The following TJP1 variants were observed in gnomAD, a reference collection of about 807,000 sequenced individuals.
The protein encoded by TJP1 is tight junction protein ZO-1.
In TJP1, 43 loss-of-function variants were observed where a neutral mutation model predicts 194.2. That is an observed-to-expected ratio of 0.22 (90% CI 0.17 to 0.29). TJP1 has a LOEUF of 0.29. Among genes scored for constraint, TJP1 ranks in the 10% least tolerant of loss-of-function variants. The pLI, the probability that TJP1 is intolerant of heterozygous loss-of-function variation, is 1.00. For synonymous variants in TJP1, 801 were observed against 779.0 expected, an observed-to-expected ratio of 1.03 and a Z score of -0.47; for missense variants, 1,971 against 2,185.7, an observed-to-expected ratio of 0.90 and a Z score of 1.96.
At chr15:29,783,068 G>C (rs2047471259) in intron 2 of TJP1, among the ~76,000 whole-genome samples, 2 of 152,130 alleles carry the variant, frequency 1.3e-5, no homozygotes, top group South Asian at 4.1e-4. Flanking sequence ...GAGGTCAGAA[G>C]TTCGAGGCCA....
intron 2 of TJP1, among the ~76,000 whole-genome samples, chr15:29,778,871 G>A (rs1013701813): frequency 6.6e-6 from 1 of 152,028 alleles, no homozygotes; most frequent in Non-Finnish European, 1.5e-5. Context: ...CATGTGCTGG[G>A]GCACATGTAC....
chr15:29,720,797 C>A, intron 18 of TJP1, 89 bp from the exon 19 acceptor site: 1 of 1,074,680 alleles, frequency 9.3e-7, no homozygotes, highest in Non-Finnish European at 1.3e-6. Flanking sequence ...AAAAGGATAT[C>A]TTTCTCTGGA....
intron 1 of TJP1, among the ~76,000 whole-genome samples, chr15:29,803,758 G>C (rs1331753116): frequency 6.6e-6 from 1 of 152,074 alleles, no homozygotes; most frequent in African/African-American, 2.4e-5. Flanking sequence ...CTTTGTACAA[G>C]GGAGAAGACT....
At chr15:29,885,613 C>T (rs2053089682) in intron 2 of TJP1, among the ~76,000 whole-genome samples, 1 of 152,244 alleles carries the variant, frequency 6.6e-6, no homozygotes, top group Non-Finnish European at 1.5e-5. Context: ...CTTTTCTTTG[C>T]TTCCTTGGAT....
At chr15:29,783,447 A>G (rs2047500548) in intron 2 of TJP1, among the ~76,000 whole-genome samples, 1 of 152,182 alleles carries the variant, frequency 6.6e-6, no homozygotes, top group East Asian at 1.9e-4. Flanking sequence ...GAAAACTACC[A>G]TTCGAGCCAG....
chr15:29,866,031 T>A (rs1170378100), intron 2 of TJP1, among the ~76,000 whole-genome samples: 1 of 152,330 alleles, frequency 6.6e-6, no homozygotes, highest in South Asian at 2.1e-4. Context: ...CATACTTTCA[T>A]CTTGGGCACT....
chr15:29,953,828 T>A (rs935753196), intron 2 of TJP1, among the ~76,000 whole-genome samples: 2 of 152,210 alleles, frequency 1.3e-5, no homozygotes, highest in Admixed American at 1.3e-4. Context: ...TGCTGAGGAA[T>A]GAAATGTCAG....
Position 29,772,167 on chromosome 15 carries a change from C to A in TJP1, c.210-1G>T. The A allele has an allele frequency of 6.3e-7, 1 of 1,588,230 alleles. No individual in the cohort carries two copies. The highest frequency in any genetic ancestry group is 8.6e-7 in the Non-Finnish European group (1 of 1,167,040). Reference sequence around the variant, plus strand: ...AACCATTGCAACTCGGTCATTTTCCCTAAGGGGAAAAGGGCACAAAATAAT... The same window carrying A: ...AACCATTGCAACTCGGTCATTTTCCATAAGGGGAAAAGGGCACAAAATAAT... On this transcript the variant is annotated splice_acceptor_variant, in intron 3 of 27. Coordinates refer to ENST00000614355, the MANE Select transcript of TJP1 (RefSeq NM_001330239.4). LOFTEE classifies it high-confidence loss of function.
intron 2 of TJP1, among the ~76,000 whole-genome samples, chr15:29,859,664 T>C (rs1299855084): frequency 6.6e-6 from 1 of 152,224 alleles, no homozygotes; most frequent in East Asian, 1.9e-4. Context: ...AGGAAGTAAA[T>C]AGGGGTCCAG....
intron 2 of TJP1, among the ~76,000 whole-genome samples, chr15:29,933,691 G>A (rs1203437972): frequency 6.6e-6 from 1 of 152,128 alleles, no homozygotes; most frequent in African/African-American, 2.4e-5. Context: ...TTTTTTTCAA[G>A]ATATTAGAGA....
chr15:29,918,775 T>C (rs2054266881), intron 2 of TJP1, among the ~76,000 whole-genome samples: 1 of 151,098 alleles, frequency 6.6e-6, no homozygotes, highest in African/African-American at 2.4e-5. Flanking sequence ...GTTAGATGGG[T>C]TGGAAAATAA....
At chr15:29,754,716 C>T (rs2045531173) in intron 8 of TJP1, among the ~76,000 whole-genome samples, 1 of 152,168 alleles carries the variant, frequency 6.6e-6, no homozygotes, top group Non-Finnish European at 1.5e-5. Context: ...ATATGTGCAT[C>T]ATACTGGTTA....
At chr15:29,787,131 T>C (rs1375741516) in intron 2 of TJP1, among the ~76,000 whole-genome samples, 2 of 152,198 alleles carry the variant, frequency 1.3e-5, no homozygotes, top group Non-Finnish European at 2.9e-5. Context: ...TACTGATATA[T>C]AATTCATATA....
intron 2 of TJP1, among the ~76,000 whole-genome samples, chr15:29,793,249 G>A (rs1213786146): frequency 6.6e-6 from 1 of 152,158 alleles, no homozygotes; most frequent in East Asian, 1.9e-4. Flanking sequence ...TTATCTGTCT[G>A]TGGCTTTTAT....
chr15:29,917,766 C>G (rs2054232834), intron 2 of TJP1, among the ~76,000 whole-genome samples: 1 of 152,218 alleles, frequency 6.6e-6, no homozygotes, highest in South Asian at 2.1e-4. Flanking sequence ...AGGAAAAGAG[C>G]TGGCTTGCTC....
chr15:29,798,431 A>G (rs1264829368), intron 2 of TJP1, among the ~76,000 whole-genome samples: 1 of 152,130 alleles, frequency 6.6e-6, no homozygotes, highest in Non-Finnish European at 1.5e-5. Flanking sequence ...TGAAAATCCA[A>G]AATTCAGAAT....
At chr15:29,776,419 A>G (rs1288419438) in intron 2 of TJP1, among the ~76,000 whole-genome samples, 1 of 152,230 alleles carries the variant, frequency 6.6e-6, no homozygotes, top group Non-Finnish European at 1.5e-5. Context: ...AAGAAAATCC[A>G]GCTTTTCATA....
intron 8 of TJP1, among the ~76,000 whole-genome samples, chr15:29,753,517 C>CAGG: frequency 6.8e-6 from 1 of 146,750 alleles, no homozygotes; most frequent in East Asian, 2.0e-4. Flanking sequence ...AAAGATTGCT[C>CAGG]AGGATATTTA....
In TJP1 at chr15:29,722,462, G is replaced by A. The variant is rs530855087; in HGVS notation, c.2413-1754C>T. Among the ~76,000 whole-genome samples the A allele has an allele frequency of 2.6e-5, 4 of 152,344 alleles. No homozygotes were observed. In the East Asian group the frequency reaches 5.8e-4, roughly 22 times the overall value. Reference sequence around the variant, plus strand: ...TCCACATGATGCTAAGTCTGCGGGTGCACAGAGGGAGACAGTTGAGGCTTG... The same window carrying A: ...TCCACATGATGCTAAGTCTGCGGGTACACAGAGGGAGACAGTTGAGGCTTG... On this transcript the variant is annotated intron_variant, in intron 18 of 27. Coordinates refer to ENST00000614355, the MANE Select transcript of TJP1 (RefSeq NM_001330239.4).
Sources: gnomAD v4.1 joint callset for allele counts (sites outside exome capture counted in the v4.1 genomes callset) on GRCh38, gnomAD v4.1.1 for gene constraint, MANE v1.5 for transcripts, NCBI Gene and HGNC (gene_info 2026-07-23, HGNC 2026-07-21) for gene names.